Variants in MAML3 observed in about 807,000 individuals in gnomAD.
MAML3 encodes mastermind like transcriptional coactivator 3, also known as mastermind-like protein 3.
A neutral mutation model predicts 101.9 loss-of-function variants in MAML3; 27 were observed. The ratio of observed to expected loss-of-function variants is 0.27; its 90% confidence interval spans 0.20 to 0.37. The LOEUF (loss-of-function observed/expected upper bound fraction) is 0.37. Among genes scored for constraint, MAML3 ranks in the 10% least tolerant of loss-of-function variants. MAML3 has a pLI of 1.00. For synonymous variants in MAML3, 501 were observed against 555.9 expected, an observed-to-expected ratio of 0.90 and a Z score of 1.39; for missense variants, 1,316 against 1,444.9, an observed-to-expected ratio of 0.91 and a Z score of 1.45.
At chr4:139,988,985 A>G (rs1734609258) in intron 1 of MAML3, among the ~76,000 whole-genome samples, 1 of 152,160 alleles carries the variant, frequency 6.6e-6, no homozygotes, top group Non-Finnish European at 1.5e-5. Context: ...GTGACTGCTC[A>G]CTGTTGAACC....
At chr4:140,115,910 A>G (rs1273274026) in intron 1 of MAML3, among the ~76,000 whole-genome samples, 1 of 152,238 alleles carries the variant, frequency 6.6e-6, no homozygotes, top group Non-Finnish European at 1.5e-5. Flanking sequence ...CTATTTAAAT[A>G]TAGAAAATAT....
chr4:140,066,385 T>C (rs1210344213), intron 1 of MAML3, among the ~76,000 whole-genome samples: 1 of 152,180 alleles, frequency 6.6e-6, no homozygotes, highest in Non-Finnish European at 1.5e-5. Context: ...GCTCCTGATA[T>C]GTGCAACAGG....
chr4:139,879,536 A>AAAAAG (rs537880265), intron 2 of MAML3, among the ~76,000 whole-genome samples: 2 of 148,652 alleles, frequency 1.3e-5, no homozygotes, highest in Non-Finnish European at 3.0e-5. Context: ...AAAAAAAAAA[A>AAAAAG]AAAAGAAAAG....
intron 1 of MAML3, among the ~76,000 whole-genome samples, chr4:140,104,408 A>ATT (rs368174569): frequency 1.8e-5 from 1 of 54,986 alleles, no homozygotes; most frequent in Non-Finnish European, 3.2e-5. Context: ...TATAATATAT[A>ATT]ATATAATATA....
chr4:139,897,577 C>T (rs1732637917), intron 1 of MAML3, among the ~76,000 whole-genome samples: 1 of 152,192 alleles, frequency 6.6e-6, no homozygotes, highest in African/African-American at 2.4e-5. Flanking sequence ...GTCTCATCTT[C>T]CGCCCACAAT....
At chr4:139,861,306 TC>T (rs1244479538) in intron 2 of MAML3, among the ~76,000 whole-genome samples, 2 of 152,084 alleles carry the variant, frequency 1.3e-5, no homozygotes, top group Non-Finnish European at 2.9e-5. Context: ...CATTCTCTTC[TC>T]CCTGTATGAT....
chr4:140,116,219 C>A (rs1728515013), intron 1 of MAML3, among the ~76,000 whole-genome samples: 2 of 152,178 alleles, frequency 1.3e-5, no homozygotes, highest in African/African-American at 4.8e-5. Flanking sequence ...GACAATACCA[C>A]AAATTATTAA....
intron 1 of MAML3, among the ~76,000 whole-genome samples, chr4:139,973,367 GT>G (rs1734263733): frequency 1.3e-5 from 2 of 152,212 alleles, no homozygotes; most frequent in Non-Finnish European, 2.9e-5. Context: ...TCAGTCCATT[GT>G]TTAGGTCACA....
At chr4:139,916,005 G>A (rs183459442) in intron 1 of MAML3, among the ~76,000 whole-genome samples, 1 of 152,268 alleles carries the variant, frequency 6.6e-6, no homozygotes, top group East Asian at 1.9e-4. Flanking sequence ...GCAAATTCAA[G>A]ATCTTTTCTC....
intron 2 of MAML3, among the ~76,000 whole-genome samples, chr4:139,805,246 A>G (rs1730681817): frequency 6.6e-6 from 1 of 152,232 alleles, no homozygotes; most frequent in Non-Finnish European, 1.5e-5. Flanking sequence ...TCTCCTGTTT[A>G]TGCAATGACT....
intron 2 of MAML3, among the ~76,000 whole-genome samples, chr4:139,763,847 A>T (rs1439522432): frequency 6.6e-6 from 1 of 152,210 alleles, no homozygotes; most frequent in Non-Finnish European, 1.5e-5. Context: ...GAGGCCGCTG[A>T]ATTAAACACT....
At chr4:139,978,064 C>A (rs761685005) in intron 1 of MAML3, among the ~76,000 whole-genome samples, 40 of 152,060 alleles carry the variant, frequency 2.6e-4, no homozygotes, top group Non-Finnish European at 1.3e-4. Context: ...AGACTGAGGT[C>A]ACAGTCTTGC....
intron 1 of MAML3, among the ~76,000 whole-genome samples, chr4:140,151,796 G>A (rs1012057118): frequency 1.3e-5 from 2 of 152,022 alleles, no homozygotes; most frequent in African/African-American, 4.8e-5. Context: ...TCTAGCCTCC[G>A]GCTTGGGGGG....
At chr4:140,074,272 T>A (rs1727730778) in intron 1 of MAML3, among the ~76,000 whole-genome samples, 1 of 140,214 alleles carries the variant, frequency 7.1e-6, no homozygotes, top group South Asian at 2.3e-4. Flanking sequence ...AGGACATGTG[T>A]ACTATGAGGG....
intron 1 of MAML3, among the ~76,000 whole-genome samples, chr4:139,981,032 A>G (rs377668830): frequency 1.3e-5 from 2 of 152,292 alleles, no homozygotes; most frequent in South Asian, 2.1e-4. Context: ...TAGAAATAGT[A>G]TATTAGTTTC....
chr4:139,974,156 A>C (rs1734278682), intron 1 of MAML3, among the ~76,000 whole-genome samples: 2 of 146,352 alleles, frequency 1.4e-5, no homozygotes, highest in African/African-American at 5.1e-5. Flanking sequence ...CCCAGGCTGG[A>C]GTGCAGTGGC....
intron 1 of MAML3, among the ~76,000 whole-genome samples, chr4:140,010,646 T>TA (rs769099875): frequency 1.3e-5 from 2 of 152,146 alleles, no homozygotes; most frequent in Non-Finnish European, 2.9e-5. Flanking sequence ...TTCATATACT[T>TA]ACAACAGTTT....
intron 1 of MAML3, among the ~76,000 whole-genome samples, chr4:140,003,193 C>T (rs1726360720): frequency 6.6e-6 from 1 of 152,184 alleles, no homozygotes. Context: ...GACTTCACCT[C>T]CTGCCCCCAG....
At chr4:139,972,271 G>A (rs1267479795) in intron 1 of MAML3, among the ~76,000 whole-genome samples, 3 of 152,114 alleles carry the variant, frequency 2.0e-5, no homozygotes, top group Admixed American at 2.0e-4. Context: ...TGTCTATTAA[G>A]GAACCAAATA....
Sources: gnomAD v4.1 joint callset for allele counts (sites outside exome capture counted in the v4.1 genomes callset) on GRCh38, gnomAD v4.1.1 for gene constraint, MANE v1.5 for transcripts, NCBI Gene and HGNC (gene_info 2026-07-23, HGNC 2026-07-21) for gene names.